The following TAF1L variants were observed in gnomAD, a reference collection of about 807,000 sequenced individuals.
TAF1L encodes transcription initiation factor TFIID subunit 1-like.
A neutral mutation model predicts 128.8 loss-of-function variants in TAF1L; 30 were observed. The ratio of observed to expected loss-of-function variants is 0.23; its 90% CI spans 0.17 to 0.32. The LOEUF (loss-of-function observed/expected upper bound fraction) is 0.32. Among genes scored for constraint, TAF1L ranks in the 10% least tolerant of loss-of-function variants. The pLI is 1.00. For missense variants in TAF1L, 2,099 were observed against 2,253.7 expected (o/e 0.93, Z 1.39); for synonymous variants, 764 against 790.7 (o/e 0.97, Z 0.57).
rs1305494653 is a variant in TAF1L at position 32,630,824 on chromosome 9, T to C, written c.4756A>G (p.Ser1586Gly). The C allele has an allele frequency of 6.2e-7, 1 of 1,614,168 alleles. No homozygotes were observed. The highest frequency in any genetic ancestry group is 8.5e-7 in the Non-Finnish European group (1 of 1,180,026). ...ATAAGGTTTACATCATCTAGAAAAC[T>C]CTCCCGACTCTGATACTTGTGCTTG... ...ISKHKYQSRE[S>G]FLDDVNLILA... Residue 1586 changes from serine (S) to glycine (G), a missense_variant, in exon 1 of 1, where the codon AGT becomes GGT. Ser to Gly is a moderately conservative substitution (Grantham distance 56). Coordinates refer to ENST00000242310, the MANE Select transcript of TAF1L (RefSeq NM_153809.2).
Position 32,632,273 on chromosome 9 carries a change from A to G in TAF1L, c.3307T>C (p.Ser1103Pro), listed in dbSNP as rs1822527178. Reference sequence around the variant, plus strand: ...GCTGAGATGCTGTCTGTGTCAGTTGATAAGACCTCAGTTGATGACAGAACC... The same window carrying G: ...GCTGAGATGCTGTCTGTGTCAGTTGGTAAGACCTCAGTTGATGACAGAACC... The part of the protein sequence containing the change: ...NKVLSSTEVL[S>P]TDTDSISAED... The change falls in exon 1 of 1, where the codon TCA becomes CCA. Residue 1103 changes from serine (S) to proline (P), a missense_variant. This residue lies in a region of TAF1L where 1,213 missense variants were observed against 1,391.4 expected (regional missense o/e 0.87). Coordinates refer to ENST00000242310, the MANE Select transcript of TAF1L (RefSeq NM_153809.2). This position sits in a 1 kb window ranked among gnomAD's most constrained non-coding sequence, Gnocchi z 4.4. The G allele has an allele frequency of 6.2e-7, 1 of 1,614,122 alleles. No individual in the cohort carries two copies. The highest frequency in any genetic ancestry group is 8.5e-7 in the Non-Finnish European group (1 of 1,180,058).
In TAF1L at chr9:32,631,980, G is replaced by A. The variant is rs1170095284; in HGVS notation, c.3600C>T (p.Arg1200=). The A allele has an allele frequency of 3.1e-6, 5 of 1,614,180 alleles. No homozygotes were observed. The highest frequency in any genetic ancestry group is 4.2e-6 in the Non-Finnish European group (5 of 1,180,044). ...CAGCTGGTTTTCGGACTGTCTCACA[G>A]CGAACATACTCTTTCCCCTCTTCAT... The part of the protein sequence containing the change: ...FRDEEGKEYV[R]CETVRKPAVI... Residue 1200 remains arginine, a synonymous_variant, in exon 1 of 1, where the codon CGC becomes CGT. Transcript: ENST00000242310. This position sits in a 1 kb window ranked among gnomAD's most constrained non-coding sequence, Gnocchi z 4.1.
Position 32,633,570 on chromosome 9 carries a change from T to A in TAF1L, c.2010A>T (p.Glu670Asp). Residue 670 changes from glutamate to aspartate, a missense_variant, in exon 1 of 1, where the codon GAA (glutamate) becomes GAT (aspartate). By Grantham distance (45) the Glu-to-Asp change is conservative. Coordinates refer to ENST00000242310, the MANE Select transcript of TAF1L (RefSeq NM_153809.2). ...KHIKKKAKMR[E>D]QERQASGGGE... The stretch of plus-strand genomic sequence containing the variant: ...CACCACCTGAGGCTTGCCTCTCTTG[T>A]TCTCTCATCTTGGCCTTTTTTTTGA... 6.2e-7 allele frequency: 1 copy of A among 1,614,226 alleles called. No homozygotes were observed. The highest frequency in any genetic ancestry group is 1.1e-5 in the South Asian group (1 of 91,078).
chr9:32,632,815 T>C lies in TAF1L; in HGVS notation c.2765A>G (p.Tyr922Cys), dbSNP rs1587671338. The C allele has an allele frequency of 3.1e-6, 5 of 1,614,256 alleles. No individual in the cohort carries two copies. In the Admixed American group the frequency reaches 6.7e-5, roughly 22 times the overall value. Reference sequence around the variant, plus strand: ...TGGGGCAAAAAAGGATTTCTCACCATAGCCAGCATCCTTCAGTCGTTGCTT... The same window carrying C: ...TGGGGCAAAAAAGGATTTCTCACCACAGCCAGCATCCTTCAGTCGTTGCTT... ...AAKQRLKDAG[Y>C]GEKSFFAPEE... Residue 922 changes from tyrosine (Y) to cysteine (C), a missense_variant, in exon 1 of 1, where the codon TAT becomes TGT. Physicochemically the swap from Tyr to Cys is radical, Grantham distance 194. Transcript: ENST00000242310. The surrounding 1 kb of genome is among the most constrained non-coding windows in gnomAD (Gnocchi z 4.4).
rs1438744615 is a variant in TAF1L at position 32,634,050 on chromosome 9, C to A, written c.1530G>T (p.Met510Ile). 2.5e-6 allele frequency: 4 copies of A among 1,614,200 alleles called. No homozygotes were observed. Among genetic ancestry groups the A allele is most frequent in the Non-Finnish European group, 3.4e-6 (4 of 1,180,044 alleles). The change falls in exon 1 of 1, where the codon ATG becomes ATT. Residue 510 changes from methionine (M) to isoleucine (I), a missense_variant. By Grantham distance (10) the Met-to-Ile change is conservative. Around this residue, in one of 4 missense-constraint regions of TAF1L, gnomAD observed 1,213 missense variants for 1,391.4 expected, o/e 0.87. Transcript: ENST00000242310. ...AAACAGGAGGTTCCAACAGCCGGGG[C>A]ATGGCCTGAGCATCCCAAATGATAT... ...EDNIIWDAQA[M>I]PRLLEPPVLA...
rs755550466 is a variant in TAF1L, at chr9:32,633,699, C to T, written c.1881G>A (p.Gly627=). Residue 627 remains glycine (G), a synonymous_variant, in exon 1 of 1, where the codon GGG becomes GGA. Transcript: ENST00000242310. ...GATGGAACTGCCGGATTTTGATGGGCCCCATGTGGGTGGGAAAGAAGGGCT... is the reference window on the plus strand; with the variant it reads ...GATGGAACTGCCGGATTTTGATGGGTCCCATGTGGGTGGGAAAGAAGGGCT... ...LWQPFFPTHM[G]PIKIRQFHRP... is the part of the protein sequence containing the mutation. 1.7e-4 allele frequency: 277 copies of T among 1,613,986 alleles called. No individual in the cohort carries two copies. The highest frequency in any genetic ancestry group is 2.7e-4 in the Admixed American group (16 of 59,986).
rs757762727 is a variant in TAF1L at position 32,632,618 on chromosome 9, G to T, written c.2962C>A (p.Pro988Thr). The change falls in exon 1 of 1, where the codon CCA (proline) becomes ACA (threonine). Residue 988 changes from proline (P) to threonine (T), a missense_variant. Physicochemically the swap from Pro to Thr is conservative, Grantham distance 38. Coordinates refer to ENST00000242310, the MANE Select transcript of TAF1L (RefSeq NM_153809.2). The surrounding 1 kb of genome is among the most constrained non-coding windows in gnomAD (Gnocchi z 4.4). ...CGEGFSYVKI[P>T]NKPTQQKDDK... ...TCCTTCTGCTGTGTTGGTTTATTTG[G>T]AATCTTCACATAGGAGAATCCTTCA... 2 of 1,614,140 alleles carry T rather than the reference G, an allele frequency of 1.2e-6. No homozygotes were observed. The highest frequency in any genetic ancestry group is 2.2e-5 in the South Asian group (2 of 91,076).
In TAF1L at chr9:32,630,133, G is replaced by A. The variant is rs1822497078; in HGVS notation, c.5447C>T (p.Ala1816Val). Reference protein sequence around the residue: ...RPKQPFMLQHASGEHKDGHGK With the variant: ...RPKQPFMLQHVSGEHKDGHGK ...GTGCCCATCCTTGTGTTCTCCTGAA[G>A]CATGCTGAAGCATGAAGGGTTGTTT... The change falls in exon 1 of 1, where the codon GCT (alanine) becomes GTT (valine). Residue 1816 changes from alanine to valine, a missense_variant. Physicochemically the swap from Ala to Val is moderately conservative, Grantham distance 64 (BLOSUM62 0). Transcript: ENST00000242310. 1 of 1,614,038 alleles carries A rather than the reference G, an allele frequency of 6.2e-7. No individual in the cohort carries two copies. Among genetic ancestry groups the A allele is most frequent in the Admixed American group, 1.7e-5 (1 of 60,004 alleles).
chr9:32,631,155 A>G lies in TAF1L; in HGVS notation c.4425T>C (p.Ser1475=). Residue 1475 remains serine, a synonymous_variant, in exon 1 of 1, where the codon AGT becomes AGC. Transcript: ENST00000242310. The surrounding 1 kb of genome is among the most constrained non-coding windows in gnomAD (Gnocchi z 4.1). The part of the protein sequence containing the change: ...REHLELIVKN[S]ATYNGPKHSL... Reference sequence around the variant, plus strand: ...AATGTTTTGGCCCATTGTAGGTCGCACTGTTTTTCACAATTAGCTCCAGAT... The same window carrying G: ...AATGTTTTGGCCCATTGTAGGTCGCGCTGTTTTTCACAATTAGCTCCAGAT... The G allele has an allele frequency of 8.1e-6, 13 of 1,614,198 alleles. No individual in the cohort carries two copies. The highest frequency in any genetic ancestry group is 4.0e-5 in the African/African-American group (3 of 75,046).
chr9:32,633,537 C>G lies in TAF1L; in HGVS notation c.2043G>C (p.Leu681Phe). ...GATCCTGAGGTGTGCGCATAAAAAA[C>G]AACTCTCCACCACCTGAGGCTTGCC... is the stretch of plus-strand genomic sequence containing the variant. ...QERQASGGGE[L>F]FFMRTPQDLT... is the part of the protein sequence containing the mutation. Residue 681 changes from leucine to phenylalanine, a missense_variant, in exon 1 of 1, where the codon TTG (leucine) becomes TTC (phenylalanine). Physicochemically the swap from Leu to Phe is conservative, Grantham distance 22. Coordinates refer to ENST00000242310, the MANE Select transcript of TAF1L (RefSeq NM_153809.2). 1.2e-6 allele frequency: 2 copies of G among 1,614,198 alleles called. No homozygotes were observed. Among genetic ancestry groups the G allele is most frequent in the Non-Finnish European group, 1.7e-6 (2 of 1,180,052 alleles).
rs1239207588 is a variant in TAF1L at position 32,630,632 on chromosome 9, A to T, written c.4948T>A (p.Leu1650Ile). The T allele has an allele frequency of 7.4e-6, 12 of 1,614,066 alleles. No homozygotes were observed. ...AKEAALEEAE[L>I]ESLDPMTPGP... ...GGGGTCATTGGGTCCAGGCTTTCTA[A>T]TTCTGCTTCCTCCAAAGCTGCTTCT... The change falls in exon 1 of 1, where the codon TTA (leucine) becomes ATA (isoleucine). Residue 1650 changes from leucine (L) to isoleucine (I), a missense_variant. Transcript: ENST00000242310.
rs374413938 is a variant in TAF1L at position 32,635,423 on chromosome 9, C to G, written c.157G>C (p.Gly53Arg). ...CACTCATCATCCAAGACGCTTTCCC[C>G]CTCCAGCTGCCCCGCTCCACTGATG... ...GNISGAGQLE[G>R]ESVLDDECKK... The change falls in exon 1 of 1, where the codon GGG (glycine) becomes CGG (arginine). Residue 53 changes from glycine (G) to arginine (R), a missense_variant. Transcript: ENST00000242310. 1.9e-6 allele frequency: 3 copies of G among 1,614,040 alleles called. No individual in the cohort carries two copies. In the African/African-American group the frequency reaches 4.0e-5, roughly 22 times the overall value.
In TAF1L at chr9:32,633,673, C is replaced by T. The variant is rs1332104754; in HGVS notation, c.1907G>A (p.Arg636His). ...AAATGAGTACTTTTTCAGAGGTGGG[C>T]GATGGAACTGCCGGATTTTGATGGG... Reference protein sequence around the residue: ...MGPIKIRQFHRPPLKKYSFGA... With the variant: ...MGPIKIRQFHHPPLKKYSFGA... Residue 636 changes from arginine to histidine, a missense_variant, in exon 1 of 1, where the codon CGC (arginine) becomes CAC (histidine). By Grantham distance (29) the Arg-to-His change is conservative. This residue lies in a region of TAF1L where 1,213 missense variants were observed against 1,391.4 expected (regional missense o/e 0.87). Coordinates refer to ENST00000242310, the MANE Select transcript of TAF1L (RefSeq NM_153809.2). 1 of 1,613,928 alleles carries T rather than the reference C, an allele frequency of 6.2e-7. No homozygotes were observed. Among genetic ancestry groups the T allele is most frequent in the Non-Finnish European group, 8.5e-7 (1 of 1,179,986 alleles).
In TAF1L at chr9:32,630,407, C is replaced by T. The variant is rs759420779; in HGVS notation, c.5173G>A (p.Asp1725Asn). Residue 1725 changes from aspartate (D) to asparagine (N), a missense_variant, in exon 1 of 1, where the codon GAT becomes AAT. Around this residue, in one of 4 missense-constraint regions of TAF1L, gnomAD observed 404 missense variants for 406.5 expected, o/e 0.99. Transcript: ENST00000242310. ...TTAGGTTTCCCATCCTCCTCCTCATCATCATACCCTTCAACATCCACATCA... is the reference window on the plus strand; with the variant it reads ...TTAGGTTTCCCATCCTCCTCCTCATTATCATACCCTTCAACATCCACATCA... ...DSDVDVEGYD[D>N]EEEDGKPKPP... is the part of the protein sequence containing the mutation. The T allele has an allele frequency of 1.6e-5, 26 of 1,614,244 alleles. 1 individual carries two copies. The Middle Eastern group carries it at 2.8e-3, about 174-fold the overall frequency.
chr9:32,630,031 T>G lies in TAF1L; in HGVS notation c.*68A>C. On this transcript the variant is annotated 3_prime_UTR_variant, in exon 1 of 1. Coordinates refer to ENST00000242310, the MANE Select transcript of TAF1L (RefSeq NM_153809.2). ...TCAGGCTCCTCACAGCTCCCATAAC[T>G]GATGTTGCTATCCTCCAAATCATGG... 1 of 1,599,540 alleles carries G rather than the reference T, an allele frequency of 6.3e-7. No homozygotes were observed. Among genetic ancestry groups the G allele is most frequent in the Non-Finnish European group, 8.5e-7 (1 of 1,173,356 alleles).
rs368758129 is a variant in TAF1L, at chr9:32,634,590, G to T, written c.990C>A (p.Ile330=). ...TGGACTCCACAGGAACCATCATCGT[G>T]ATTTCATCATCAGCGAGACACTGCT... ...PPEQCLADDE[I]TMMVPVESKF... Residue 330 remains isoleucine (I), a synonymous_variant, in exon 1 of 1, where the codon ATC becomes ATA. Coordinates refer to ENST00000242310, the MANE Select transcript of TAF1L (RefSeq NM_153809.2). 31 of 1,614,036 alleles carry T rather than the reference G, an allele frequency of 1.9e-5. No homozygotes were observed. In the East Asian group the frequency reaches 4.7e-4, roughly 24 times the overall value.
In TAF1L at chr9:32,631,907, T is replaced by C; in HGVS notation, c.3673A>G (p.Ile1225Val). 6.2e-7 allele frequency: 1 copy of C among 1,614,236 alleles called. No homozygotes were observed. The highest frequency in any genetic ancestry group is 8.5e-7 in the Non-Finnish European group (1 of 1,180,048). Residue 1225 changes from isoleucine to valine, a missense_variant, in exon 1 of 1, where the codon ATT (isoleucine) becomes GTT (valine). Physicochemically the swap from Ile to Val is conservative, Grantham distance 29. Around this residue, in one of 4 missense-constraint regions of TAF1L, gnomAD observed 1,213 missense variants for 1,391.4 expected, o/e 0.87. Transcript: ENST00000242310. This position sits in a 1 kb window ranked among gnomAD's most constrained non-coding sequence, Gnocchi z 4.1. ...RIRTTKDEKF[I>V]QKFALFDEKH... ...TCATCAAAAAGGGCAAATTTTTGAA[T>C]GAATTTCTCATCTTTTGTAGTCCGT... is the stretch of plus-strand genomic sequence containing the variant.
At position 32,634,088 on chromosome 9, in the gene TAF1L, G is replaced by C; in HGVS notation, c.1492C>G (p.Arg498Gly). 2 of 1,614,134 alleles carry C rather than the reference G, an allele frequency of 1.2e-6. No individual in the cohort carries two copies. Among genetic ancestry groups the C allele is most frequent in the Non-Finnish European group, 1.7e-6 (2 of 1,180,040 alleles). ...TCCCAAATGATATTGTCCTCCCAGC[G>C]TCCATACACCAGATCCTCATTGTCA... ...PIDNEDLVYG[R>G]WEDNIIWDAQ... Residue 498 changes from arginine to glycine, a missense_variant, in exon 1 of 1, where the codon CGC (arginine) becomes GGC (glycine). Arg to Gly is a moderately radical substitution (Grantham distance 125). Coordinates refer to ENST00000242310, the MANE Select transcript of TAF1L (RefSeq NM_153809.2).
rs750860273 is a variant in TAF1L, at chr9:32,630,959, C to T, written c.4621G>A (p.Val1541Ile). The change falls in exon 1 of 1, where the codon GTT becomes ATT. Residue 1541 changes from valine (V) to isoleucine (I), a missense_variant. Physicochemically the swap from Val to Ile is conservative, Grantham distance 29 (BLOSUM62 3). This residue lies in a region of TAF1L where 404 missense variants were observed against 406.5 expected (regional missense o/e 0.99). Transcript: ENST00000242310. ...DNIVTQKMMAVPDSWPFHHPV... is the reference protein window; with the variant it reads ...DNIVTQKMMAIPDSWPFHHPV... ...TGATGAAATGGCCAAGAATCTGGAA[C>T]TGCCATCATTTTCTGGGTGACAATG... is the stretch of plus-strand genomic sequence containing the variant. 5.0e-5 allele frequency: 80 copies of T among 1,614,102 alleles called. No homozygotes were observed. Among genetic ancestry groups the T allele is most frequent in the Non-Finnish European group, 6.7e-5 (79 of 1,180,056 alleles).
Sources: gnomAD v4.1 joint callset for allele counts on GRCh38, gnomAD v4.1.1 for gene constraint, gnomAD v4.1.1 regional missense constraint, Gnocchi (gnomAD v3.1) non-coding constraint, MANE v1.5 for transcripts, NCBI Gene and HGNC (gene_info 2026-07-23, HGNC 2026-07-21) for gene names.